Variants in STK24 observed in about 807,000 individuals in gnomAD.
The protein encoded by STK24 is serine/threonine kinase 24.
In STK24, 21 loss-of-function variants were observed where a neutral mutation model predicts 55.6. That is an observed-to-expected ratio of 0.38 (90% CI 0.27 to 0.54). STK24 has a LOEUF of 0.54. STK24 is among the 20% of genes least tolerant of loss of function. STK24 has a pLI of 0.79. For synonymous variants in STK24, 200 were observed against 215.2 expected (o/e 0.93, Z 0.62); for missense variants, 383 against 538.4 (o/e 0.71, Z 2.86).
chr13:98,503,024 G>GTGTTTTTTTTTTTTTTTT (rs1555306356), intron 2 of STK24, among the ~76,000 whole-genome samples: 6 of 107,058 alleles, frequency 5.6e-5, no homozygotes, highest in African/African-American at 2.4e-4. Context: ...CTTTCCATGT[G>GTGTTTTTTTTTTTTTTTT]TTTTTTTTTT....
chr13:98,521,054 C>A (rs1896243375), intron 1 of STK24, among the ~76,000 whole-genome samples: 1 of 152,238 alleles, frequency 6.6e-6, no homozygotes, highest in South Asian at 2.1e-4. Context: ...AGAGGCCAGA[C>A]ACTGAGTGCT....
chr13:98,453,217 A>G lies in STK24; in HGVS notation c.1260-8T>C. On this transcript the variant is annotated splice_region_variant and splice_polypyrimidine_tract_variant and intron_variant, in intron 10 of 10. Transcript: ENST00000539966. ...CCACCACTTAGAGAGTATCTAGGGAAAAAGAGAGAGAGAGAAGTCAACACA... is the reference window on the plus strand; with the variant it reads ...CCACCACTTAGAGAGTATCTAGGGAGAAAGAGAGAGAGAGAAGTCAACACA... 2 of 1,612,610 alleles carry G rather than the reference A, an allele frequency of 1.2e-6. No homozygotes were observed. The highest frequency in any genetic ancestry group is 2.2e-5 in the East Asian group (1 of 44,796).
chr13:98,482,708 A>G (rs1894642456), intron 2 of STK24, among the ~76,000 whole-genome samples: 3 of 152,214 alleles, frequency 2.0e-5, no homozygotes, highest in Admixed American at 2.0e-4. Context: ...TGTCACACAC[A>G]TCGGGAGAGC....
intron 5 of STK24, among the ~76,000 whole-genome samples, chr13:98,467,631 C>T (rs1033710016): frequency 3.3e-5 from 5 of 152,070 alleles, no homozygotes; most frequent in African/African-American, 7.2e-5. Flanking sequence ...CATTTTCTGC[C>T]GAATGTCCCA....
chr13:98,482,938 T>C (rs1894652267), intron 2 of STK24, among the ~76,000 whole-genome samples: 2 of 152,246 alleles, frequency 1.3e-5, no homozygotes, highest in Admixed American at 1.3e-4. Flanking sequence ...AAAGCAGGTC[T>C]GTCCTAACAT....
intron 8 of STK24, 39 bp from the exon 9 acceptor site, chr13:98,460,479 G>T: frequency 6.4e-7 from 1 of 1,566,360 alleles, no homozygotes; most frequent in South Asian, 1.1e-5. Flanking sequence ...AGAAACAGTT[G>T]ACGTTCACAT....
intron 1 of STK24, among the ~76,000 whole-genome samples, chr13:98,562,917 TAAAAAA>T (rs575288091): frequency 9.2e-6 from 1 of 109,146 alleles, no homozygotes; most frequent in African/African-American, 3.6e-5. Flanking sequence ...CTCCCTCTCT[TAAAAAA>T]AAAAAAAAAA....
rs985429146 is a variant in STK24, at chr13:98,492,086, T to C, written c.274-9765A>G. ...TTTAAAGTGCGTGCGCGTGTGTGTG[T>C]GTGTGTGTGTGTGTGTGTGTGTGTA... On this transcript the variant is annotated intron_variant, in intron 2 of 10. Coordinates refer to ENST00000539966, the MANE Select transcript of STK24 (RefSeq NM_001032296.4). Among the ~76,000 whole-genome samples the C allele has an allele frequency of 4.2e-4, 62 of 146,772 alleles. 3 individuals are homozygous for C. Among genetic ancestry groups the C allele is most frequent in the African/African-American group, 1.4e-3 (55 of 38,738 alleles).
At position 98,447,321 on chromosome 13, in the gene STK24, A is replaced by G. The variant is rs1329686992; in HGVS notation, c.*5852T>C. 6.5e-6 allele frequency: 1 copy of G among 153,992 alleles called. No homozygotes were observed. Among genetic ancestry groups the G allele is most frequent in the African/African-American group, 2.4e-5 (1 of 41,462 alleles). The allele number at this position is 153,992 out of a possible 1,614,324, so 9.5% of individuals were successfully genotyped here. A position where few individuals can be genotyped will look rare whatever the true frequency, so the allele number is the denominator to read the frequency against. ...GGCAGAAGGGGAGGGGTCCTCAGCA[A>G]TATGCTGAGCACCTCCTAAACAACA... On this transcript the variant is annotated 3_prime_UTR_variant, in exon 11 of 11. Transcript: ENST00000539966.
intron 1 of STK24, among the ~76,000 whole-genome samples, chr13:98,539,075 C>T (rs1283317045): frequency 1.3e-5 from 2 of 152,192 alleles, no homozygotes; most frequent in African/African-American, 2.4e-5. Context: ...GCAGAGCACC[C>T]GCTGTTTCCA....
chr13:98,548,156 C>A (rs1335781908), intron 1 of STK24, among the ~76,000 whole-genome samples: 3 of 152,146 alleles, frequency 2.0e-5, no homozygotes, highest in African/African-American at 7.2e-5. Context: ...GTTTACTCAC[C>A]TGTAAAAAAT....
intron 2 of STK24, among the ~76,000 whole-genome samples, chr13:98,502,728 T>C (rs1368715664): frequency 6.6e-6 from 1 of 152,214 alleles, no homozygotes; most frequent in Non-Finnish European, 1.5e-5. Flanking sequence ...ACCATGTTCT[T>C]GGCCTTTTCA....
intron 1 of STK24, among the ~76,000 whole-genome samples, chr13:98,560,431 A>C (rs1897388536): frequency 1.3e-5 from 2 of 152,188 alleles, no homozygotes; most frequent in Admixed American, 1.3e-4. Flanking sequence ...CAGTAATTTT[A>C]AGTCATAATA....
chr13:98,457,853 C>T (rs192149694), intron 9 of STK24, among the ~76,000 whole-genome samples: 2 of 152,324 alleles, frequency 1.3e-5, no homozygotes, highest in African/African-American at 2.4e-5. Context: ...ATAATCATTA[C>T]TGTTCGAGGC....
intron 1 of STK24, among the ~76,000 whole-genome samples, chr13:98,529,161 C>T (rs762357175): frequency 6.6e-6 from 1 of 152,094 alleles, no homozygotes; most frequent in African/African-American, 2.4e-5. Flanking sequence ...CCATACCCGC[C>T]GTCTCCCTCT....
intron 1 of STK24, among the ~76,000 whole-genome samples, chr13:98,568,510 A>G (rs1489281746): frequency 6.6e-6 from 1 of 152,158 alleles, no homozygotes; most frequent in Non-Finnish European, 1.5e-5. Context: ...GGAAGGAAAA[A>G]TTGAGGATAT....
chr13:98,563,058 G>A (rs185803841), intron 1 of STK24, among the ~76,000 whole-genome samples: 5 of 152,188 alleles, frequency 3.3e-5, no homozygotes, highest in South Asian at 2.1e-4. Context: ...CCCAAGAAAC[G>A]ATTTGCTCCA....
rs556153255 is a variant in STK24 at position 98,462,050 on chromosome 13, A to G, written c.930-153T>C. 2.0e-5 allele frequency among the ~76,000 whole-genome samples: 3 copies of G among 151,524 alleles called. No individual in the cohort carries two copies. In the East Asian group the frequency reaches 5.9e-4, roughly 30 times the overall value. ...CACACCCTTGTCCAGTCCCTCTGGGATTTCCCAAAGACCCCCCCGCCTCCT... is the reference window on the plus strand; with the variant it reads ...CACACCCTTGTCCAGTCCCTCTGGGGTTTCCCAAAGACCCCCCCGCCTCCT... On this transcript the variant is annotated intron_variant, in intron 7 of 10. Transcript: ENST00000539966.
chr13:98,514,642 C>T (rs1895993552), intron 2 of STK24, among the ~76,000 whole-genome samples: 1 of 152,134 alleles, frequency 6.6e-6, no homozygotes, highest in Admixed American at 6.5e-5. Context: ...TTAATAATGA[C>T]ACTACAACAA....
Sources: gnomAD v4.1 joint callset for allele counts (sites outside exome capture counted in the v4.1 genomes callset) on GRCh38, gnomAD v4.1.1 for gene constraint, MANE v1.5 for transcripts, NCBI Gene and HGNC (gene_info 2026-07-23, HGNC 2026-07-21) for gene names.